DGKH: variants seen among roughly 807,000 people sequenced by gnomAD.
DGKH encodes the protein DAG kinase eta.
DGKH carries 90 observed loss-of-function variants against 159.3 expected under a neutral mutation model. The observed-to-expected ratio is 0.57, with a 90% CI of 0.48 to 0.67. The LOEUF (loss-of-function observed/expected upper bound fraction) is 0.67. Among genes scored for constraint, DGKH ranks in the 30% least tolerant of loss-of-function variants. The pLI is 0.00. For synonymous variants in DGKH, 536 were observed against 553.8 expected (o/e 0.97, Z 0.45); for missense variants, 1,181 against 1,506.1 (o/e 0.78, Z 3.57).
At chr13:42,219,511 T>C (rs1247716535) in intron 27 of DGKH, among the ~76,000 whole-genome samples, 162 bp downstream of exon 27, 3 of 152,220 alleles carry the variant, frequency 2.0e-5, no homozygotes, top group Admixed American at 6.5e-5. Flanking sequence ...TGTGAACGCA[T>C]TTTAGGGGAA....
At position 42,231,635 on chromosome 13, in the gene DGKH, A is replaced by C. The variant is rs576036676; in HGVS notation, c.*2447A>C. The C allele has an allele frequency of 6.6e-6, 1 of 152,322 alleles. No homozygotes were observed. The highest frequency in any genetic ancestry group is 1.5e-5 in the Non-Finnish European group (1 of 68,046). 9.4% of individuals were successfully genotyped at this position (152,322 alleles called of 1,614,324 possible). ...TGTATTAATATAAATATCTATATTG[A>C]TTTTCACCCCCCATTCCCCTTTGCT... On this transcript the variant is annotated 3_prime_UTR_variant, in exon 30 of 30. Coordinates refer to ENST00000337343, the MANE Select transcript of DGKH (RefSeq NM_178009.5).
intron 3 of DGKH, among the ~76,000 whole-genome samples, chr13:42,145,155 T>C (rs1163979030): frequency 2.0e-5 from 3 of 152,274 alleles, no homozygotes; most frequent in African/African-American, 7.2e-5. Flanking sequence ...TACTGGTTTC[T>C]GCCTTACACA....
intron 1 of DGKH, among the ~76,000 whole-genome samples, chr13:42,107,887 CT>C (rs1227869916): frequency 1.3e-5 from 2 of 152,098 alleles, no homozygotes; most frequent in Non-Finnish European, 2.9e-5. Context: ...CCTAGAGTCT[CT>C]CTTTGGGCTC....
At chr13:42,083,810 AAGAG>A (rs746797008) in intron 1 of DGKH, among the ~76,000 whole-genome samples, 4 of 152,208 alleles carry the variant, frequency 2.6e-5, no homozygotes, top group Non-Finnish European at 5.9e-5. Context: ...GCTAAATAAA[AAGAG>A]AGAGAAGAGA....
chr13:42,048,606 G>A, upstream of DGKH: 1 of 855,240 alleles, frequency 1.2e-6, no homozygotes, highest in Non-Finnish European at 1.5e-6. The surrounding 1 kb of genome is among the most constrained non-coding windows in gnomAD (Gnocchi z 6.7). Context: ...CCTGCCTGGA[G>A]GGCGCCTGCC....
intron 1 of DGKH, among the ~76,000 whole-genome samples, chr13:42,107,434 G>A (rs1954781122): frequency 6.6e-6 from 1 of 152,222 alleles, no homozygotes; most frequent in Non-Finnish European, 1.5e-5. Context: ...GGCCTTCCAT[G>A]CCGAATTAAA....
At chr13:42,098,609 G>A (rs1295280371) in intron 1 of DGKH, among the ~76,000 whole-genome samples, 1 of 152,148 alleles carries the variant, frequency 6.6e-6, no homozygotes, top group Non-Finnish European at 1.5e-5. Flanking sequence ...TTAAGTATAT[G>A]ATTCTTCAAG....
At chr13:42,078,872 A>G (rs1293740085) in intron 1 of DGKH, among the ~76,000 whole-genome samples, 3 of 151,914 alleles carry the variant, frequency 2.0e-5, no homozygotes, top group Non-Finnish European at 4.4e-5. Context: ...CTGAATTTCA[A>G]ATACATTACT....
chr13:42,250,809 C>T (rs1200795938), intron 29 of DGKH, among the ~76,000 whole-genome samples: 1 of 152,180 alleles, frequency 6.6e-6, no homozygotes, highest in Non-Finnish European at 1.5e-5. Flanking sequence ...TGTCTAGAAG[C>T]TCATTACTGC....
chr13:42,221,307 G>T lies in DGKH; in HGVS notation c.3486G>T (p.Leu1162=). The change falls in exon 29 of 30, where the codon CTG becomes CTT. Residue 1162 remains leucine, a synonymous_variant. Coordinates refer to ENST00000337343, the MANE Select transcript of DGKH (RefSeq NM_178009.5). ...GTEEVAAWLD[L]LNLGEYKDIF... ...AGGAAGTTGCTGCTTGGCTGGATCT[G>T]CTCAATTTGGGAGAGTACAAAGATA... The T allele has an allele frequency of 6.2e-7, 1 of 1,613,646 alleles. No individual in the cohort carries two copies. Among genetic ancestry groups the T allele is most frequent in the Non-Finnish European group, 8.5e-7 (1 of 1,179,662 alleles).
At chr13:42,146,296 AGGC>A (rs1166428489) in intron 3 of DGKH, among the ~76,000 whole-genome samples, 2 of 152,146 alleles carry the variant, frequency 1.3e-5, no homozygotes, top group Admixed American at 6.5e-5. Context: ...AACTTCTAAA[AGGC>A]GTTTACCTGA....
chr13:42,116,557 C>A (rs1246673442), intron 1 of DGKH, among the ~76,000 whole-genome samples: 1 of 152,174 alleles, frequency 6.6e-6, no homozygotes, highest in Non-Finnish European at 1.5e-5. Flanking sequence ...AAGCCAGCAT[C>A]GCATATGAAA....
At position 42,070,796 on chromosome 13, in the gene DGKH, C is replaced by T. The variant is rs1882912170; in HGVS notation, c.192+21831C>T. ...TGAACAATGTAAACACTGTTTAGTT[C>T]CGTAAGAGAGCCCACATCATCTGTT... On this transcript the variant is annotated intron_variant, in intron 1 of 29. Coordinates refer to ENST00000337343, the MANE Select transcript of DGKH (RefSeq NM_178009.5). 1.4e-5 allele frequency: 21 copies of T among 1,497,944 alleles called. No individual in the cohort carries two copies. The Admixed American group carries it at 2.1e-4, about 15-fold the overall frequency. The allele number at this position is 1,497,944 out of a possible 1,614,324, so 92.8% of individuals were successfully genotyped here. A position where few individuals can be genotyped will look rare whatever the true frequency, so the allele number is the denominator to read the frequency against.
chr13:42,224,968 A>T (rs548978314), intron 29 of DGKH, among the ~76,000 whole-genome samples: 1 of 152,174 alleles, frequency 6.6e-6, no homozygotes, highest in African/African-American at 2.4e-5. Flanking sequence ...GTCACCCAGG[A>T]TGGAGTGCAG....
chr13:42,042,258 T>G (rs780210636), intron 1 of DGKH, among the ~76,000 whole-genome samples: 17 of 152,264 alleles, frequency 1.1e-4, no homozygotes, highest in Non-Finnish European at 1.6e-4. Flanking sequence ...TGACTTTACT[T>G]TTAAACTTTC....
intron 26 of DGKH, 151 bp from the exon 27 acceptor site, chr13:42,219,079 G>T: frequency 1.0e-6 from 1 of 1,004,408 alleles, no homozygotes; most frequent in Non-Finnish European, 1.4e-6. Flanking sequence ...CAATATAAAA[G>T]AATTTATTCT....
At chr13:42,192,314 T>TA (rs1159433854) in intron 16 of DGKH, among the ~76,000 whole-genome samples, 4 of 152,172 alleles carry the variant, frequency 2.6e-5, no homozygotes, top group Non-Finnish European at 5.9e-5. Context: ...ATCCCACTCT[T>TA]ATGGTCAGCT....
At position 42,240,734 on chromosome 13, in the gene DGKH, C is replaced by A. The variant is rs143582945; in HGVS notation, c.*11546C>A. On this transcript the variant is annotated 3_prime_UTR_variant, in exon 30 of 30. Coordinates refer to ENST00000337343, the MANE Select transcript of DGKH (RefSeq NM_178009.5). ...AACTATTACCTCTGGGCCTGTTTTT[C>A]TTTGGGATTAGATAAAGCCTTTCTA... The A allele has an allele frequency of 5.5e-4, 84 of 152,258 alleles. 1 individual carries two copies. Among genetic ancestry groups the A allele is most frequent in the African/African-American group, 2.0e-3 (84 of 41,556 alleles). The allele number at this position is 152,258 out of a possible 1,614,324, so 9.4% of individuals were successfully genotyped here. A position where few individuals can be genotyped will look rare whatever the true frequency, so the allele number is the denominator to read the frequency against.
intron 17 of DGKH, among the ~76,000 whole-genome samples, chr13:42,196,458 T>A (rs1312689930): frequency 6.6e-6 from 1 of 152,242 alleles, no homozygotes; most frequent in South Asian, 2.1e-4. Context: ...GAATATTATC[T>A]ACCCATTAAA....
Sources: gnomAD v4.1 joint callset for allele counts (sites outside exome capture counted in the v4.1 genomes callset) on GRCh38, gnomAD v4.1.1 for gene constraint, Gnocchi (gnomAD v3.1) non-coding constraint, MANE v1.5 for transcripts, NCBI Gene and HGNC (gene_info 2026-07-23, HGNC 2026-07-21) for gene names.